Variants in MAGOH observed in about 807,000 individuals in gnomAD.
MAGOH encodes mago homolog, exon junction complex subunit.
Under a neutral mutation model 20.9 loss-of-function variants are expected in MAGOH, and 3 were observed. The ratio of observed to expected loss-of-function variants is 0.14; its 90% CI spans 0.07 to 0.37. The LOEUF (loss-of-function observed/expected upper bound fraction) is 0.37, where lower values mean the gene tolerates loss of function less well. Among genes scored for constraint, MAGOH ranks in the 10% least tolerant of loss-of-function variants. The pLI, the probability that MAGOH is intolerant of heterozygous loss-of-function variation, is 1.00. For missense variants in MAGOH, 66 were observed against 178.1 expected (o/e 0.37, Z 3.58); for synonymous variants, 51 against 61.0 (o/e 0.84, Z 0.76).
Position 53,228,877 on chromosome 1 carries a change from T to A in MAGOH, c.336A>T (p.Gln112His), listed in dbSNP as rs1181747366. 6.2e-7 allele frequency: 1 copy of A among 1,605,796 alleles called. No individual in the cohort carries two copies. The highest frequency in any genetic ancestry group is 2.2e-5 in the East Asian group (1 of 44,852). Reference sequence around the variant, plus strand: ...TAAGGATCATGCACACTTACTTGGATTGATTGACATCAATAAGGGAACCAA... The same window carrying A: ...TAAGGATCATGCACACTTACTTGGAATGATTGACATCAATAAGGGAACCAA... The part of the protein sequence containing the change: ...SKIGSLIDVN[Q>H]SKDPEGLRVF... The change falls in exon 4 of 5, where the codon CAA (glutamine) becomes CAT (histidine). Residue 112 changes from glutamine to histidine, a missense_variant. By Grantham distance (24) the Gln-to-His change is conservative. Coordinates refer to ENST00000371470, the MANE Select transcript of MAGOH (RefSeq NM_002370.4).
rs751446125 is a variant in MAGOH at position 53,238,339 on chromosome 1, G to A, written c.88+22C>T. The stretch of plus-strand genomic sequence containing the variant: ...CCCCCAGGCCTGGTCCCCGCTCCCG[G>A]CGGGCGGCAGGCTGCTTTTACCGTC... On this transcript the variant is annotated intron_variant, in intron 1 of 4. Coordinates refer to ENST00000371470, the MANE Select transcript of MAGOH (RefSeq NM_002370.4). 3.1e-6 allele frequency: 5 copies of A among 1,613,400 alleles called. No homozygotes were observed. In the Admixed American group the frequency reaches 6.7e-5, roughly 22 times the overall value.
chr1:53,227,191 T>C, intron 4 of MAGOH, 47 bp from the exon 5 acceptor site: 1 of 1,037,214 alleles, frequency 9.6e-7, no homozygotes, highest in Non-Finnish European at 1.4e-6. Flanking sequence ...CTTTGACCCA[T>C]CAAGTGTCCC....
At chr1:53,238,194 A>G (rs1206889288) in intron 1 of MAGOH, among the ~76,000 whole-genome samples, 167 bp downstream of exon 1, 1 of 152,218 alleles carries the variant, frequency 6.6e-6, no homozygotes, top group African/African-American at 2.4e-5. Flanking sequence ...CTGAATGGAT[A>G]GAAAGACCCC....
intron 3 of MAGOH, among the ~76,000 whole-genome samples, chr1:53,229,754 AC>A (rs1427235506): frequency 6.6e-6 from 1 of 152,120 alleles, no homozygotes; most frequent in Non-Finnish European, 1.5e-5. Context: ...CCTCATCTGT[AC>A]AAAAAATACG....
chr1:53,237,947 C>G (rs953645304), intron 1 of MAGOH, among the ~76,000 whole-genome samples: 4 of 152,274 alleles, frequency 2.6e-5, no homozygotes, highest in Non-Finnish European at 5.9e-5. Context: ...CTGCAATATA[C>G]CCTTTACAGA....
chr1:53,227,125 C>T lies in MAGOH; in HGVS notation c.361G>A (p.Val121Ile). 6.7e-7 allele frequency: 1 copy of T among 1,498,624 alleles called. No individual in the cohort carries two copies. Among genetic ancestry groups the T allele is most frequent in the African/African-American group, 1.5e-5 (1 of 68,752 alleles). The allele number at this position is 1,498,624 out of a possible 1,614,324, so 92.8% of individuals were successfully genotyped here. Residue 121 changes from valine to isoleucine, a missense_variant, in exon 5 of 5, where the codon GTA becomes ATA. Coordinates refer to ENST00000371470, the MANE Select transcript of MAGOH (RefSeq NM_002370.4). ...NQSKDPEGLRVFYYLVQDLKC... is the reference protein window; with the variant it reads ...NQSKDPEGLRIFYYLVQDLKC... The stretch of plus-strand genomic sequence containing the variant: ...AGGTCCTGGACAAGATAATAAAATA[C>T]TCGTAAGCCTTCTGGATCCCTAAAA...
chr1:53,233,682 G>T, intron 2 of MAGOH, 30 bp from the exon 3 acceptor site: 1 of 1,388,964 alleles, frequency 7.2e-7, no homozygotes, highest in Non-Finnish European at 1.0e-6. Context: ...CAAAATGTAT[G>T]TTGTATCCTT....
intron 4 of MAGOH, among the ~76,000 whole-genome samples, chr1:53,227,839 C>T (rs571708383): frequency 2.7e-4 from 41 of 152,014 alleles, no homozygotes; most frequent in African/African-American, 9.6e-4. Context: ...ACACCCGGCC[C>T]GAGTTAGGAA....
intron 1 of MAGOH, 41 bp from the exon 2 acceptor site, chr1:53,235,676 T>C (rs780230498): frequency 1.3e-6 from 2 of 1,535,954 alleles, no homozygotes; most frequent in South Asian, 1.1e-5. Context: ...AATAAAAACA[T>C]ATGAATAAAG....
Position 53,227,012 on chromosome 1 carries a change from C to T in MAGOH, c.*33G>A. The T allele has an allele frequency of 1.9e-6, 2 of 1,027,254 alleles. No individual in the cohort carries two copies. The highest frequency in any genetic ancestry group is 2.9e-6 in the Non-Finnish European group (2 of 689,208). 63.6% of individuals were successfully genotyped at this position (1,027,254 alleles called of 1,614,324 possible). ...TGATATACACAAAATTTTCTACTCC[C>T]ACCCACCCCCCATGTCCACACCAAT... On this transcript the variant is annotated 3_prime_UTR_variant, in exon 5 of 5. Coordinates refer to ENST00000371470, the MANE Select transcript of MAGOH (RefSeq NM_002370.4).
chr1:53,238,496 T>A lies in MAGOH; in HGVS notation c.-48A>T. The A allele has an allele frequency of 6.6e-7, 1 of 1,521,294 alleles. No individual in the cohort carries two copies. Among genetic ancestry groups the A allele is most frequent in the Admixed American group, 1.7e-5 (1 of 59,790 alleles). 94.2% of individuals were successfully genotyped at this position (1,521,294 alleles called of 1,614,324 possible). A position where few individuals can be genotyped will look rare whatever the true frequency, so the allele number is the denominator to read the frequency against. On this transcript the variant is annotated 5_prime_UTR_variant, in exon 1 of 5. Transcript: ENST00000371470. Reference sequence around the variant, plus strand: ...CTGAACTTCCAAGAGCAAGCCGCACTGCCGCCGTCTGCGCCCGACACTGAC... The same window carrying A: ...CTGAACTTCCAAGAGCAAGCCGCACAGCCGCCGTCTGCGCCCGACACTGAC...
At chr1:53,233,730 A>T (rs531158257) in intron 2 of MAGOH, 78 bp from the exon 3 acceptor site, 20 of 919,370 alleles carry the variant, frequency 2.2e-5, no homozygotes, top group Admixed American at 7.8e-5. Context: ...GGAAGATAAA[A>T]ATAACTGTTC....
intron 3 of MAGOH, 170 bp downstream of exon 3, chr1:53,233,372 T>C: frequency 1.9e-6 from 1 of 522,808 alleles, no homozygotes; most frequent in Non-Finnish European, 3.4e-6. Flanking sequence ...TGATTTTCCT[T>C]TCATTAGATT....
At chr1:53,232,597 G>A (rs1201088924) in intron 3 of MAGOH, among the ~76,000 whole-genome samples, 1 of 152,182 alleles carries the variant, frequency 6.6e-6, no homozygotes, top group Non-Finnish European at 1.5e-5. Context: ...GTTAAAGGAA[G>A]AATATTTTAG....
At chr1:53,233,834 G>A (rs949679345) in intron 2 of MAGOH, 182 bp from the exon 3 acceptor site, 17 of 539,580 alleles carry the variant, frequency 3.2e-5, no homozygotes, top group Admixed American at 1.7e-4. Context: ...GAAGTATCCA[G>A]TAACTGCACC....
intron 2 of MAGOH, 131 bp downstream of exon 2, chr1:53,235,446 A>C: frequency 1.4e-6 from 1 of 731,262 alleles, no homozygotes; most frequent in Non-Finnish European, 2.3e-6. Flanking sequence ...ATAATCCAGA[A>C]GCTGTCTACA....
Position 53,233,646 on chromosome 1 carries a change from C to A in MAGOH, c.154G>T (p.Val52Leu). The stretch of plus-strand genomic sequence containing the variant: ...AGTTCCTCCATCACGCTTTTATGTA[C>A]ATAAGCCTGAACGCAAGTTAAAAAA... ...NDVMIRKEAY[V>L]HKSVMEELKR... The change falls in exon 3 of 5, where the codon GTA (valine) becomes TTA (leucine). Residue 52 changes from valine (V) to leucine (L), a missense_variant. Val to Leu is a conservative substitution (Grantham distance 32). Transcript: ENST00000371470. 1.2e-6 allele frequency: 2 copies of A among 1,608,018 alleles called. No individual in the cohort carries two copies. Among genetic ancestry groups the A allele is most frequent in the Non-Finnish European group, 1.7e-6 (2 of 1,174,688 alleles).
intron 1 of MAGOH, among the ~76,000 whole-genome samples, chr1:53,237,251 C>T (rs1188905795): frequency 6.6e-6 from 1 of 151,606 alleles, no homozygotes; most frequent in African/African-American, 2.4e-5. Flanking sequence ...GCCCGGCCCC[C>T]AACATCTTTC....
At chr1:53,235,717 G>C (rs776518008) in intron 1 of MAGOH, 82 bp from the exon 2 acceptor site, 382 of 1,060,352 alleles carry the variant, frequency 3.6e-4, no homozygotes, top group Non-Finnish European at 5.2e-4. Flanking sequence ...ATCAGCAGTT[G>C]CCCAAAATGT....
Sources: allele counts gnomAD v4.1 joint callset (sites outside exome capture counted in the v4.1 genomes callset), GRCh38; gene constraint gnomAD v4.1.1; transcripts MANE v1.5; gene names NCBI Gene and HGNC (gene_info 2026-07-23, HGNC 2026-07-21).